The following KLHDC4 variants were observed in gnomAD, a reference collection of about 807,000 sequenced individuals.
KLHDC4 encodes kelch domain containing 4, also known as kelch domain-containing protein 4.
Under a neutral mutation model 62.4 loss-of-function variants are expected in KLHDC4, and 90 were observed. The ratio of observed to expected loss-of-function variants is 1.44; its 90% CI spans 1.22 to 1.72. KLHDC4 has a LOEUF of 1.72. Ranked by LOEUF, KLHDC4 falls within the 40% of genes most tolerant of loss-of-function variation. KLHDC4 has a pLI of 0.00. For missense variants in KLHDC4, 1,025 were observed against 699.7 expected (o/e 1.47, Z -5.25); for synonymous variants, 386 against 284.4 (o/e 1.36, Z -3.59).
intron 5 of KLHDC4, among the ~76,000 whole-genome samples, chr16:87,736,499 C>T (rs746249852): frequency 1.1e-4 from 16 of 152,188 alleles, no homozygotes; most frequent in Non-Finnish European, 2.2e-4. Flanking sequence ...AAAGCAGTTA[C>T]AGCACAGCCA....
intron 5 of KLHDC4, among the ~76,000 whole-genome samples, chr16:87,732,697 T>A (rs1362577669): frequency 6.6e-6 from 1 of 152,208 alleles, no homozygotes; most frequent in Non-Finnish European, 1.5e-5. Context: ...AAATACTGCA[T>A]GTCACGGGAC....
intron 1 of KLHDC4, chr16:87,765,009 C>A: frequency 1.7e-5 from 7 of 414,378 alleles, no homozygotes; most frequent in South Asian, 1.2e-4. Context: ...CATACCACTT[C>A]ATGGTTCACC....
exon 1 of KLHDC4, chr16:87,701,154 T>C: frequency 5.8e-6 from 1 of 172,968 alleles, no homozygotes; most frequent in Non-Finnish European, 1.2e-5. Flanking sequence ...GGGGGGTGGG[T>C]GCTGGAAAGG....
At chr16:87,699,767 C>A (rs971918260) in exon 1 of KLHDC4, 4 of 152,270 alleles carry the variant, frequency 2.6e-5, no homozygotes, top group Admixed American at 2.6e-4. Flanking sequence ...CCTGTAAGGC[C>A]CCAAGCCAGG....
chr16:87,722,740 T>A (rs1194529611), intron 7 of KLHDC4, among the ~76,000 whole-genome samples: 1 of 152,240 alleles, frequency 6.6e-6, no homozygotes, highest in Non-Finnish European at 1.5e-5. Context: ...AGAGGAGACC[T>A]GGCCTGGCTT....
intron 7 of KLHDC4, among the ~76,000 whole-genome samples, chr16:87,725,758 C>T (rs1479363924): frequency 6.6e-6 from 1 of 152,000 alleles, no homozygotes; most frequent in Non-Finnish European, 1.5e-5. Flanking sequence ...GGAGCACACA[C>T]TCCACGAGCA....
At chr16:87,749,363 G>A (rs2043540458) in intron 4 of KLHDC4, among the ~76,000 whole-genome samples, 1 of 151,922 alleles carries the variant, frequency 6.6e-6, no homozygotes, top group South Asian at 2.1e-4. Flanking sequence ...AGACCATCCT[G>A]GCCAACATGG....
intron 1 of KLHDC4, among the ~76,000 whole-genome samples, chr16:87,762,611 G>A (rs1051866769): frequency 3.9e-5 from 6 of 152,190 alleles, no homozygotes; most frequent in African/African-American, 1.2e-4. Context: ...CAAGACTTGT[G>A]TCTAGTTAAA....
intron 5 of KLHDC4, among the ~76,000 whole-genome samples, chr16:87,743,406 A>G (rs1157287594): frequency 3.3e-5 from 5 of 152,080 alleles, no homozygotes; most frequent in African/African-American, 7.2e-5. Context: ...GGACTCTACA[A>G]TTCTACTTCA....
chr16:87,708,387 G>A lies in KLHDC4; in HGVS notation c.1527C>T (p.Asp509=), dbSNP rs371269644. The change falls in exon 11 of 12, where the codon GAC becomes GAT. Residue 509 remains aspartate (D), a synonymous_variant. Coordinates refer to ENST00000270583, the MANE Select transcript of KLHDC4 (RefSeq NM_017566.4). ...CACCGCTCTCCTCTCCGCTGTCTTC[G>A]TCGTCGACCCCACCCTCGGCGCCCT... The part of the protein sequence containing the change: ...EVEGAEGGVD[D]EDSGEESGAE... The A allele has an allele frequency of 5.9e-5, 95 of 1,610,708 alleles. No individual in the cohort carries two copies. The highest frequency in any genetic ancestry group is 4.7e-4 in the South Asian group (43 of 90,968).
At chr16:87,753,782 CAA>C (rs1019854754) in intron 4 of KLHDC4, among the ~76,000 whole-genome samples, 1 of 143,626 alleles carries the variant, frequency 7.0e-6, no homozygotes, top group African/African-American at 2.6e-5. Flanking sequence ...GCCTGGGCAA[CAA>C]GAGAGAGACT....
At chr16:87,717,750 A>ACAAAT (rs1478917768) in intron 7 of KLHDC4, among the ~76,000 whole-genome samples, 2,145 of 152,266 alleles carry the variant, frequency 0.014, 50 homozygotes, top group African/African-American at 0.048. Context: ...GGGGACAAGG[A>ACAAAT]AGGAATTCAG....
At chr16:87,727,762 G>T (rs1484439254) in intron 6 of KLHDC4, among the ~76,000 whole-genome samples, 1 of 152,180 alleles carries the variant, frequency 6.6e-6, no homozygotes, top group Non-Finnish European at 1.5e-5. Context: ...CATTTTTTAA[G>T]GAAAGCATGG....
chr16:87,748,777 C>T lies in KLHDC4; in HGVS notation c.402G>A (p.Leu134=). The T allele has an allele frequency of 6.2e-7, 1 of 1,613,272 alleles. No homozygotes were observed. Among genetic ancestry groups the T allele is most frequent in the Non-Finnish European group, 8.5e-7 (1 of 1,179,842 alleles). Residue 134 remains leucine, a synonymous_variant, in exon 5 of 12, where the codon CTG becomes CTA. Transcript: ENST00000270583. ...AVVVPQGGGQ[L]WVFGGEFASP... ...AGGCAAACTCCCCTCCAAAGACCCA[C>T]AGCTGTCCGCCACCTTGAGGCACTA... is the stretch of plus-strand genomic sequence containing the variant.
chr16:87,701,020 G>A (rs1286752039), exon 1 of KLHDC4: 1 of 206,400 alleles, frequency 4.8e-6, no homozygotes, highest in Non-Finnish European at 9.9e-6. Context: ...TGCCAAGGAG[G>A]TTGCTGGCTC....
chr16:87,765,328 G>T (rs115831363), intron 1 of KLHDC4: 5 of 456,722 alleles, frequency 1.1e-5, no homozygotes, highest in South Asian at 6.2e-5. Flanking sequence ...CTGCTGTGAT[G>T]ATTATTTGCC....
chr16:87,739,744 GC>G (rs1423414205), intron 5 of KLHDC4: 3 of 152,364 alleles, frequency 2.0e-5, no homozygotes, highest in African/African-American at 7.2e-5. Context: ...GGAAAGAAGA[GC>G]CCGTCACAGA....
chr16:87,738,113 A>T (rs1488689292), intron 5 of KLHDC4, among the ~76,000 whole-genome samples: 1 of 152,174 alleles, frequency 6.6e-6, no homozygotes, highest in African/African-American at 2.4e-5. Flanking sequence ...CAGAGGGCAG[A>T]GCAGGGTGTG....
intron 2 of KLHDC4, among the ~76,000 whole-genome samples, chr16:87,760,055 T>C (rs2045625129): frequency 6.6e-6 from 1 of 151,702 alleles, no homozygotes; most frequent in Non-Finnish European, 1.5e-5. Context: ...GATTAAGAAA[T>C]AGGAAGTTGG....
Sources: gnomAD v4.1 joint callset for allele counts (sites outside exome capture counted in the v4.1 genomes callset) on GRCh38, gnomAD v4.1.1 for gene constraint, MANE v1.5 for transcripts, NCBI Gene and HGNC (gene_info 2026-07-23, HGNC 2026-07-21) for gene names.